Variants in INPP4B observed in about 807,000 individuals in gnomAD.
INPP4B encodes the protein inositol polyphosphate 4-phosphatase type II.
INPP4B carries 55 observed loss-of-function variants against 122.5 expected under a neutral mutation model. The observed-to-expected ratio is 0.45, with a 90% CI of 0.36 to 0.56. INPP4B has a LOEUF of 0.56. Among genes scored for constraint, INPP4B ranks in the 20% least tolerant of loss-of-function variants. The pLI is 0.00. For synonymous variants in INPP4B, 403 were observed against 388.7 expected, an observed-to-expected ratio of 1.04 and a Z score of -0.43; for missense variants, 1,000 against 1,097.7, an observed-to-expected ratio of 0.91 and a Z score of 1.26.
At chr4:142,456,991 T>C (rs894877205) in intron 3 of INPP4B, among the ~76,000 whole-genome samples, 1 of 151,974 alleles carries the variant, frequency 6.6e-6, no homozygotes, top group Non-Finnish European at 1.5e-5. Context: ...ACAGAGACAA[T>C]ACATGCATAC....
At chr4:142,084,361 C>CG (rs1775671995) in intron 24 of INPP4B, among the ~76,000 whole-genome samples, 1 of 152,058 alleles carries the variant, frequency 6.6e-6, no homozygotes, top group Non-Finnish European at 1.5e-5. Flanking sequence ...CCTCGTGATC[C>CG]GCCCGCCTCG....
chr4:142,200,966 C>T (rs1306194149), intron 14 of INPP4B, among the ~76,000 whole-genome samples: 3 of 151,956 alleles, frequency 2.0e-5, no homozygotes, highest in Non-Finnish European at 4.4e-5. Flanking sequence ...ACTTATAAAG[C>T]AAAGTCTCCC....
At chr4:142,532,466 C>G (rs1827731315) in intron 2 of INPP4B, among the ~76,000 whole-genome samples, 2 of 152,104 alleles carry the variant, frequency 1.3e-5, no homozygotes, top group African/African-American at 4.8e-5. Flanking sequence ...TGAAATCTTT[C>G]CATTACATGC....
At chr4:142,714,647 A>C (rs953525438) in intron 2 of INPP4B, among the ~76,000 whole-genome samples, 16 of 152,190 alleles carry the variant, frequency 1.1e-4, no homozygotes, top group Non-Finnish European at 2.2e-4. Context: ...GTTACAAGAA[A>C]AATCAATAAA....
intron 1 of INPP4B, among the ~76,000 whole-genome samples, chr4:142,796,499 T>C (rs913712024): frequency 2.6e-5 from 4 of 151,912 alleles, no homozygotes; most frequent in African/African-American, 9.7e-5. Flanking sequence ...GTAGACACGG[T>C]TGATAGCAGG....
intron 22 of INPP4B, among the ~76,000 whole-genome samples, chr4:142,108,552 T>C (rs1380112790): frequency 6.6e-6 from 1 of 152,170 alleles, no homozygotes; most frequent in Non-Finnish European, 1.5e-5. Flanking sequence ...AAACTTTTCT[T>C]ACTATCTATC....
rs1845969 is a variant in INPP4B, at chr4:142,119,826, T to C, written c.2135+2302A>G. 2.3e-4 allele frequency among the ~76,000 whole-genome samples: 34 copies of C among 150,048 alleles called. 1 individual carries two copies. The highest frequency in any genetic ancestry group is 6.4e-4 in the African/African-American group (26 of 40,520). On this transcript the variant is annotated intron_variant, in intron 21 of 25. Transcript: ENST00000262992. ...ACACACACACACACACACACACACA[T>C]ACACATATATATACATATATACGTA...
chr4:142,412,829 A>G (rs1804890481), intron 5 of INPP4B, among the ~76,000 whole-genome samples: 1 of 151,792 alleles, frequency 6.6e-6, no homozygotes, highest in Non-Finnish European at 1.5e-5. Flanking sequence ...CTTCTCTGCC[A>G]TCTCATATTT....
At chr4:142,447,889 A>G (rs1204660262) in intron 3 of INPP4B, among the ~76,000 whole-genome samples, 1 of 152,184 alleles carries the variant, frequency 6.6e-6, no homozygotes, top group Admixed American at 6.5e-5. Flanking sequence ...GAATAAAGCC[A>G]GGTTTCTATT....
intron 25 of INPP4B, among the ~76,000 whole-genome samples, chr4:142,070,610 C>T (rs898690028): frequency 7.2e-5 from 11 of 152,186 alleles, no homozygotes; most frequent in African/African-American, 2.7e-4. Context: ...CCCCAAATAC[C>T]CTTAAGCTGA....
chr4:142,068,847 A>T (rs1276911845), intron 25 of INPP4B, among the ~76,000 whole-genome samples: 2 of 152,116 alleles, frequency 1.3e-5, no homozygotes, highest in Admixed American at 1.3e-4. Context: ...CCTTTGAGAA[A>T]TACAAAGAGA....
chr4:142,087,201 T>C (rs1026014482), intron 23 of INPP4B, among the ~76,000 whole-genome samples: 2 of 152,154 alleles, frequency 1.3e-5, no homozygotes, highest in Non-Finnish European at 2.9e-5. Flanking sequence ...CAGTGTCTCC[T>C]GACAGAAAAA....
chr4:142,649,325 T>C lies in INPP4B; in HGVS notation c.-191+76514A>G, dbSNP rs573370962. The stretch of plus-strand genomic sequence containing the variant: ...AGAGTGCCTCTTCTCCTCCAAAGGA[T>C]CTCAGCTCCTTGCCAGCAATGGAAC... On this transcript the variant is annotated intron_variant, in intron 2 of 25. Transcript: ENST00000262992. 2.0e-5 allele frequency among the ~76,000 whole-genome samples: 3 copies of C among 152,292 alleles called. No homozygotes were observed. The South Asian group carries it at 6.2e-4, about 32-fold the overall frequency.
chr4:142,514,689 G>A (rs1036053590), intron 2 of INPP4B: 1 of 151,502 alleles, frequency 6.6e-6, no homozygotes, highest in African/African-American at 2.4e-5. Context: ...AGATGATGTA[G>A]AGAACTCAGC....
At chr4:142,488,012 T>G (rs72946855) in intron 2 of INPP4B, among the ~76,000 whole-genome samples, 6,850 of 152,172 alleles carry the variant, frequency 0.045, 207 homozygotes, top group Middle Eastern at 0.078. Context: ...ATTCAAAATT[T>G]CACCATTAAA....
intron 2 of INPP4B, among the ~76,000 whole-genome samples, chr4:142,528,727 T>G (rs1580293732): frequency 6.6e-6 from 1 of 152,098 alleles, no homozygotes; most frequent in African/African-American, 2.4e-5. Flanking sequence ...AGCAAAGCAC[T>G]TGTGTGACCG....
chr4:142,780,442 T>C (rs1774613269), intron 1 of INPP4B, among the ~76,000 whole-genome samples: 1 of 152,166 alleles, frequency 6.6e-6, no homozygotes, highest in Admixed American at 6.6e-5. Context: ...ACGTTTAACA[T>C]GATACATGCT....
intron 3 of INPP4B, among the ~76,000 whole-genome samples, chr4:142,432,867 A>G (rs1384046349): frequency 6.6e-6 from 1 of 152,164 alleles, no homozygotes; most frequent in African/African-American, 2.4e-5. Context: ...TCAGCACACT[A>G]TCGGTGAATA....
At chr4:142,738,013 A>G (rs900545725) in intron 1 of INPP4B, among the ~76,000 whole-genome samples, 1 of 152,198 alleles carries the variant, frequency 6.6e-6, no homozygotes, top group African/African-American at 2.4e-5. Flanking sequence ...TGTTGGTGGG[A>G]CTGTAAACTA....
Sources: gnomAD v4.1 joint callset for allele counts (sites outside exome capture counted in the v4.1 genomes callset) on GRCh38, gnomAD v4.1.1 for gene constraint, MANE v1.5 for transcripts, NCBI Gene and HGNC (gene_info 2026-07-23, HGNC 2026-07-21) for gene names.